The following ACVR1 variants were observed in gnomAD, a reference collection of about 807,000 sequenced individuals.
ACVR1 encodes activin receptor type-1.
Under a neutral mutation model 57.1 loss-of-function variants are expected in ACVR1, and 38 were observed. The ratio of observed to expected loss-of-function variants is 0.67; its 90% confidence interval spans 0.51 to 0.87. The LOEUF is 0.87. ACVR1 is among the 40% of genes least tolerant of loss of function. The probability of loss-of-function intolerance (pLI) is 0.00; values close to 1 mark genes in which losing one functional copy is unlikely to be tolerated. For missense variants in ACVR1, 463 were observed against 638.2 expected, an observed-to-expected ratio of 0.73 and a Z score of 2.96; for synonymous variants, 212 against 228.1, an observed-to-expected ratio of 0.93 and a Z score of 0.63.
At chr2:157,778,414 C>T in intron 4 of ACVR1, 72 bp from the exon 5 acceptor site, 1 of 1,276,982 alleles carries the variant, frequency 7.8e-7, no homozygotes, top group Non-Finnish European at 1.1e-6. Flanking sequence ...TAACCAATAT[C>T]CTAACAAGTA....
chr2:157,782,016 T>C (rs1574058622), intron 3 of ACVR1, among the ~76,000 whole-genome samples: 1 of 152,226 alleles, frequency 6.6e-6, no homozygotes, highest in Non-Finnish European at 1.5e-5. Flanking sequence ...AAATGCTTCT[T>C]TCTTAAAATA....
At chr2:157,850,388 C>CA (rs745600769) in intron 1 of ACVR1, among the ~76,000 whole-genome samples, 2,938 of 126,762 alleles carry the variant, frequency 0.023, 45 homozygotes, top group Middle Eastern at 0.072. Context: ...GACTCAGTCT[C>CA]AAAAAAAAAA....
chr2:157,795,949 T>G (rs1252223353), intron 3 of ACVR1, among the ~76,000 whole-genome samples: 2 of 151,736 alleles, frequency 1.3e-5, no homozygotes, highest in East Asian at 3.9e-4. Context: ...AGAGGCAGAG[T>G]GTGGTGGCTC....
At chr2:157,761,100 G>T in intron 8 of ACVR1, 23 bp from the exon 9 acceptor site, 1 of 1,611,384 alleles carries the variant, frequency 6.2e-7, no homozygotes, top group South Asian at 1.1e-5. Context: ...AGATAACAAT[G>T]TAATCAACCC....
At chr2:157,799,234 T>TA (rs927087654) in intron 3 of ACVR1, among the ~76,000 whole-genome samples, 193 bp downstream of exon 3, 2 of 152,014 alleles carry the variant, frequency 1.3e-5, no homozygotes, top group African/African-American at 2.4e-5. Context: ...TTGAATTTTT[T>TA]AAAAAAATAG....
At chr2:157,867,607 T>C (rs899884011) in intron 1 of ACVR1, among the ~76,000 whole-genome samples, 1 of 152,002 alleles carries the variant, frequency 6.6e-6, no homozygotes, top group Non-Finnish European at 1.5e-5. Context: ...GTTTTCAGTG[T>C]TGCAGGAGCA....
chr2:157,854,668 A>G (rs915930418), intron 1 of ACVR1, among the ~76,000 whole-genome samples: 74 of 150,220 alleles, frequency 4.9e-4, no homozygotes, highest in African/African-American at 1.8e-3. Context: ...GCTTGCAGTG[A>G]GCCGAGATTG....
intron 9 of ACVR1, among the ~76,000 whole-genome samples, chr2:157,751,916 C>T (rs534866902): frequency 6.6e-6 from 1 of 152,254 alleles, no homozygotes; most frequent in East Asian, 1.9e-4. Context: ...AGTTCTATGG[C>T]CCTGCCCACC....
chr2:157,859,660 C>T (rs1689658592), intron 1 of ACVR1, among the ~76,000 whole-genome samples: 1 of 152,080 alleles, frequency 6.6e-6, no homozygotes, highest in South Asian at 2.1e-4. Flanking sequence ...AGATCAATCA[C>T]CACATCTCAT....
At chr2:157,747,091 G>A (rs1574012157) in intron 9 of ACVR1, among the ~76,000 whole-genome samples, 1 of 152,062 alleles carries the variant, frequency 6.6e-6, no homozygotes, top group Non-Finnish European at 1.5e-5. Context: ...CTCAAAGGAT[G>A]TATCATTATA....
chr2:157,855,269 A>AGTGTGTGTGTGT (rs532193935), intron 1 of ACVR1, among the ~76,000 whole-genome samples: 1 of 85,180 alleles, frequency 1.2e-5, no homozygotes, highest in African/African-American at 5.6e-5. Context: ...AAAAAAAAAA[A>AGTGTGTGTGTGT]GTGTGTGTGT....
intron 1 of ACVR1, among the ~76,000 whole-genome samples, chr2:157,870,129 T>G (rs1188376605): frequency 6.6e-6 from 1 of 152,232 alleles, no homozygotes; most frequent in East Asian, 1.9e-4. Context: ...GAATGCTTTT[T>G]CTCAAGTTCT....
intron 9 of ACVR1, among the ~76,000 whole-genome samples, chr2:157,756,991 G>A (rs998440086): frequency 3.8e-4 from 52 of 135,154 alleles, no homozygotes; most frequent in Middle Eastern, 3.7e-3. Context: ...ATATATTTGA[G>A]ATATATATAT....
intron 6 of ACVR1, 50 bp from the exon 7 acceptor site, chr2:157,770,564 C>T: frequency 6.3e-7 from 1 of 1,590,292 alleles, no homozygotes; most frequent in Non-Finnish European, 8.6e-7. Context: ...ATTTTGGAGG[C>T]AGCCAGCCCA....
rs139369719 is a variant in ACVR1 at position 157,785,215 on chromosome 2, T to C, written c.68-4615A>G. Among the ~76,000 whole-genome samples, 99 of 152,348 alleles carry C rather than the reference T, an allele frequency of 6.5e-4. 1 individual carries two copies. In the Middle Eastern group the frequency reaches 0.01, roughly 16 times the overall value. ...GTTCACCTCAAAGTAGTACAAATCATAATGCAGAAATTAGACTGTAATTAT... is the reference window on the plus strand; with the variant it reads ...GTTCACCTCAAAGTAGTACAAATCACAATGCAGAAATTAGACTGTAATTAT... On this transcript the variant is annotated intron_variant, in intron 3 of 10. Transcript: ENST00000434821.
chr2:157,855,550 A>T (rs1344112499), intron 1 of ACVR1, among the ~76,000 whole-genome samples: 30 of 152,084 alleles, frequency 2.0e-4, no homozygotes, highest in Admixed American at 2.0e-3. Context: ...TGAATTACAG[A>T]TGGCATTTTT....
chr2:157,800,879 C>T (rs1245934058), intron 2 of ACVR1, among the ~76,000 whole-genome samples: 1 of 152,000 alleles, frequency 6.6e-6, no homozygotes, highest in Admixed American at 6.6e-5. Context: ...CTTGAACTGC[C>T]CTGAGCCCCC....
intron 3 of ACVR1, among the ~76,000 whole-genome samples, chr2:157,783,890 CA>C (rs1686617022): frequency 6.6e-6 from 1 of 152,150 alleles, no homozygotes; most frequent in Non-Finnish European, 1.5e-5. Flanking sequence ...ACCCTAAATT[CA>C]TAAGAATGAC....
At position 157,766,201 on chromosome 2, in the gene ACVR1, A is replaced by G. The variant is rs369752968; in HGVS notation, c.791-5T>C. On this transcript the variant is annotated splice_region_variant and splice_polypyrimidine_tract_variant and intron_variant, in intron 7 of 10. Transcript: ENST00000434821. ...TCATGTCTGAAGCAATGAAACCTGG[A>G]GAGAGCAAGAAAAAAATTAATATAC... is the stretch of plus-strand genomic sequence containing the variant. 6.2e-7 allele frequency: 1 copy of G among 1,613,852 alleles called. No homozygotes were observed. The highest frequency in any genetic ancestry group is 1.3e-5 in the African/African-American group (1 of 74,942).
Sources: allele counts gnomAD v4.1 joint callset (sites outside exome capture counted in the v4.1 genomes callset), GRCh38; gene constraint gnomAD v4.1.1; transcripts MANE v1.5; gene names NCBI Gene and HGNC (gene_info 2026-07-23, HGNC 2026-07-21).